The following PTPDC1 variants were observed in gnomAD, a reference collection of about 807,000 sequenced individuals.
The protein encoded by PTPDC1 is protein tyrosine phosphatase domain containing 1, also known as protein tyrosine phosphatase domain-containing protein 1.
PTPDC1 carries 53 observed loss-of-function variants against 75.3 expected under a neutral mutation model. That is an observed-to-expected ratio of 0.70 (90% CI 0.56 to 0.88). PTPDC1 has a LOEUF of 0.88. Among genes scored for constraint, PTPDC1 ranks in the 40% least tolerant of loss-of-function variants. PTPDC1 has a pLI of 0.00. For synonymous variants in PTPDC1, 349 were observed against 366.2 expected (o/e 0.95, Z 0.54); for missense variants, 925 against 998.6 (o/e 0.93, Z 0.99).
chr9:94,095,254 T>C, intron 4 of PTPDC1, 63 bp from the exon 5 acceptor site: 2 of 1,164,310 alleles, frequency 1.7e-6, no homozygotes, highest in South Asian at 1.7e-5. Context: ...TACTTTTCAT[T>C]AGTGTTTGTA....
Position 94,098,277 on chromosome 9 carries a change from C to G in PTPDC1, c.1711C>G (p.Pro571Ala), listed in dbSNP as rs1194343526. The G allele has an allele frequency of 1.2e-6, 2 of 1,614,188 alleles. No individual in the cohort carries two copies. The highest frequency in any genetic ancestry group is 8.5e-7 in the Non-Finnish European group (1 of 1,180,040). The change falls in exon 6 of 9, where the codon CCT (proline) becomes GCT (alanine). Residue 571 changes from proline to alanine, a missense_variant. Physicochemically the swap from Pro to Ala is conservative, Grantham distance 27. Coordinates refer to ENST00000620992, the MANE Select transcript of PTPDC1 (RefSeq NM_001253829.2). ...TGCAAATGTCCATAAGGATCCAAACCCTGCTCACCAGCAAGTGTCTCACTG... is the reference window on the plus strand; with the variant it reads ...TGCAAATGTCCATAAGGATCCAAACGCTGCTCACCAGCAAGTGTCTCACTG... ...SFANVHKDPN[P>A]AHQQVSHCQC...
chr9:94,089,036 A>G (rs1360032355), intron 4 of PTPDC1, among the ~76,000 whole-genome samples: 1 of 150,882 alleles, frequency 6.6e-6, no homozygotes, highest in Non-Finnish European at 1.5e-5. Flanking sequence ...TCTGCAGGAA[A>G]TGTCTTTTTT....
At chr9:94,057,824 C>T (rs1825993636) in intron 1 of PTPDC1, among the ~76,000 whole-genome samples, 1 of 152,166 alleles carries the variant, frequency 6.6e-6, no homozygotes. Context: ...ATATTAGGCA[C>T]TATTTCACAG....
At position 94,097,676 on chromosome 9, in the gene PTPDC1, C is replaced by G. The variant is rs139416317; in HGVS notation, c.1110C>G (p.Leu370=). The change falls in exon 6 of 9, where the codon CTC becomes CTG. Residue 370 remains leucine, a synonymous_variant. Transcript: ENST00000620992. The part of the protein sequence containing the change: ...MMKDVSEGPG[L]SAEIEKTMSE... ...AGGATGTGTCCGAAGGACCTGGTCTCTCTGCTGAAATAGAAAAGACAATGT... is the reference window on the plus strand; with the variant it reads ...AGGATGTGTCCGAAGGACCTGGTCTGTCTGCTGAAATAGAAAAGACAATGT... The G allele has an allele frequency of 7.4e-6, 12 of 1,614,064 alleles. No individual in the cohort carries two copies. In the African/African-American group the frequency reaches 1.6e-4, roughly 22 times the overall value.
At chr9:94,036,728 CT>C (rs1204041915) in intron 1 of PTPDC1, among the ~76,000 whole-genome samples, 2 of 152,154 alleles carry the variant, frequency 1.3e-5, no homozygotes, top group Non-Finnish European at 2.9e-5. Flanking sequence ...TGGCTGGATG[CT>C]GCAGTGCACA....
chr9:94,104,595 T>C (rs10739969), intron 8 of PTPDC1, among the ~76,000 whole-genome samples: 100,597 of 152,128 alleles, frequency 0.66, 35,260 homozygotes, highest in African/African-American at 0.9. Context: ...AAAAGCTGAA[T>C]TGTGAGTTTT....
At chr9:94,095,564 G>A in intron 5 of PTPDC1, 110 bp downstream of exon 5, 1 of 873,480 alleles carries the variant, frequency 1.1e-6, no homozygotes, top group South Asian at 1.7e-5. Flanking sequence ...AAGCTTTGGA[G>A]TCAGGTGGAA....
Position 94,098,578 on chromosome 9 carries a change from A to T in PTPDC1, c.2012A>T (p.Gln671Leu). 6.2e-7 allele frequency: 1 copy of T among 1,604,602 alleles called. No homozygotes were observed. Among genetic ancestry groups the T allele is most frequent in the Non-Finnish European group, 8.5e-7 (1 of 1,173,108 alleles). ...CTAAAAAGGAAGGTAGAAATGTGGC[A>T]GGTATTATTAGTACTTAATTTAATT... ...EELKRKVEMW[Q>L]KELNSRDGAW... The change falls in exon 6 of 9, where the codon CAG (glutamine) becomes CTG (leucine). Residue 671 changes from glutamine to leucine, a missense_variant and splice_region_variant. Coordinates refer to ENST00000620992, the MANE Select transcript of PTPDC1 (RefSeq NM_001253829.2).
chr9:94,091,184 T>G (rs970653185), intron 4 of PTPDC1, among the ~76,000 whole-genome samples: 5 of 151,400 alleles, frequency 3.3e-5, no homozygotes, highest in Non-Finnish European at 4.4e-5. Context: ...ATGCTTCCAG[T>G]TTTTGCCCAT....
At chr9:94,062,305 T>C (rs1826167251) in intron 1 of PTPDC1, among the ~76,000 whole-genome samples, 1 of 152,132 alleles carries the variant, frequency 6.6e-6, no homozygotes, top group African/African-American at 2.4e-5. Context: ...TCACTTTCCA[T>C]ATCACTATCA....
upstream of PTPDC1, chr9:94,084,320 C>T: frequency 2.0e-6 from 1 of 496,974 alleles, no homozygotes; most frequent in South Asian, 6.4e-5. Context: ...ACAATTTGTC[C>T]AAAATGCAAT....
At chr9:94,094,550 C>T (rs1191278449) in intron 4 of PTPDC1, among the ~76,000 whole-genome samples, 1 of 152,158 alleles carries the variant, frequency 6.6e-6, no homozygotes, top group South Asian at 2.1e-4. Context: ...GCCCTGCCCC[C>T]AGAGGTGGAG....
chr9:94,043,589 C>T (rs1463087861), intron 1 of PTPDC1, among the ~76,000 whole-genome samples: 1 of 152,038 alleles, frequency 6.6e-6, no homozygotes, highest in African/African-American at 2.4e-5. Flanking sequence ...GACGTGGTGG[C>T]GTGTGCCTGT....
At position 94,061,913 on chromosome 9, in the gene PTPDC1, G is replaced by A. The variant is rs370591858; in HGVS notation, c.-6-2821G>A. Among the ~76,000 whole-genome samples, 34 of 152,290 alleles carry A rather than the reference G, an allele frequency of 2.2e-4. No individual in the cohort carries two copies. The East Asian group carries it at 3.5e-3, about 16-fold the overall frequency. On this transcript the variant is annotated intron_variant, in intron 1 of 9. Coordinates refer to the PTPDC1 transcript ENST00000375360. ...GCTATCAGCACTTGCCTTCCTTTTC[G>A]TTGTGCAAATTTCTGCAGCCTGCTT...
chr9:94,071,874 G>A (rs1421630874), intron 2 of PTPDC1, among the ~76,000 whole-genome samples: 1 of 151,928 alleles, frequency 6.6e-6, no homozygotes, highest in Non-Finnish European at 1.5e-5. Flanking sequence ...TTATAATCAC[G>A]TTTCTCTTTT....
At chr9:94,057,656 G>A (rs932924819) in intron 1 of PTPDC1, among the ~76,000 whole-genome samples, 2 of 152,158 alleles carry the variant, frequency 1.3e-5, no homozygotes, top group African/African-American at 4.8e-5. Context: ...AGAAATTGAA[G>A]CTCAGAATTG....
chr9:94,091,293 G>A (rs1209558783), intron 4 of PTPDC1, among the ~76,000 whole-genome samples: 1 of 152,108 alleles, frequency 6.6e-6, no homozygotes, highest in Non-Finnish European at 1.5e-5. Context: ...TAGTATGAAG[G>A]GTTGTTGAAT....
intron 7 of PTPDC1, among the ~76,000 whole-genome samples, chr9:94,103,105 C>A (rs1031699037): frequency 1.3e-5 from 2 of 151,976 alleles, no homozygotes; most frequent in Admixed American, 6.6e-5. Context: ...AATACACAGA[C>A]ATGTGCGTGC....
chr9:94,100,857 C>T (rs569327205), intron 6 of PTPDC1: 1 of 152,236 alleles, frequency 6.6e-6, no homozygotes, highest in South Asian at 2.1e-4. Context: ...CTCACTTTTC[C>T]CTTGCTCTCT....
Sources: allele counts gnomAD v4.1 joint callset (sites outside exome capture counted in the v4.1 genomes callset), GRCh38; gene constraint gnomAD v4.1.1; transcripts MANE v1.5; gene names NCBI Gene and HGNC (gene_info 2026-07-23, HGNC 2026-07-21).